Variants in CADM2 observed in about 807,000 individuals in gnomAD.
CADM2 encodes the protein immunoglobulin superfamily member 4D.
A neutral mutation model predicts 49.8 loss-of-function variants in CADM2; 12 were observed. The observed-to-expected ratio is 0.24, with a 90% confidence interval of 0.15 to 0.39. The LOEUF (loss-of-function observed/expected upper bound fraction) is 0.39, where lower values mean the gene tolerates loss of function less well. Ranked by LOEUF, CADM2 falls within the 10% of genes least tolerant of loss-of-function variation. The probability of loss-of-function intolerance (pLI) is 1.00; values close to 1 mark genes in which losing one functional copy is unlikely to be tolerated. For synonymous variants in CADM2, 214 were observed against 175.4 expected (o/e 1.22, Z -1.74); for missense variants, 378 against 492.3 (o/e 0.77, Z 2.20).
chr3:85,715,736 A>C (rs544879964), intron 1 of CADM2, among the ~76,000 whole-genome samples: 1 of 152,086 alleles, frequency 6.6e-6, no homozygotes, highest in Non-Finnish European at 1.5e-5. Context: ...ACTCCCACTT[A>C]TGAGTGAGAA....
intron 1 of CADM2, among the ~76,000 whole-genome samples, chr3:85,714,812 C>T (rs2067233210): frequency 6.6e-6 from 1 of 152,008 alleles, no homozygotes; most frequent in Non-Finnish European, 1.5e-5. Context: ...TGCTATAAAC[C>T]CTTGAGATCT....
chr3:85,699,451 A>G (rs747688978), intron 1 of CADM2, among the ~76,000 whole-genome samples: 1 of 152,186 alleles, frequency 6.6e-6, no homozygotes, highest in African/African-American at 2.4e-5. Context: ...TTAGACATTT[A>G]GGCTTTTCCA....
chr3:85,085,843 T>G (rs1251051873), intron 1 of CADM2, among the ~76,000 whole-genome samples: 2 of 152,126 alleles, frequency 1.3e-5, no homozygotes, highest in African/African-American at 2.4e-5. Context: ...ATGCCTTGCT[T>G]TTTTTTCTCA....
At chr3:85,341,084 C>T (rs2045227933) in intron 1 of CADM2, among the ~76,000 whole-genome samples, 1 of 151,670 alleles carries the variant, frequency 6.6e-6, no homozygotes, top group East Asian at 1.9e-4. Flanking sequence ...AAGCTTTTCT[C>T]TCTTACCCCA....
chr3:84,988,268 T>G (rs2032694695), intron 1 of CADM2, among the ~76,000 whole-genome samples: 1 of 152,238 alleles, frequency 6.6e-6, no homozygotes, highest in African/African-American at 2.4e-5. Context: ...TCTTTGGCAC[T>G]AGCTTCCAAG....
intron 1 of CADM2, among the ~76,000 whole-genome samples, chr3:85,418,071 T>A (rs1453562079): frequency 6.6e-6 from 1 of 152,122 alleles, no homozygotes; most frequent in Non-Finnish European, 1.5e-5. Context: ...GTTTTTTCAG[T>A]AAATATCAAG....
At chr3:85,308,311 A>C (rs946808104) in intron 1 of CADM2, among the ~76,000 whole-genome samples, 37 of 75,018 alleles carry the variant, frequency 4.9e-4, no homozygotes, top group South Asian at 1.1e-3. Flanking sequence ...CTACCTCTCT[A>C]CACACACACA....
At chr3:85,418,970 G>A (rs200222680) in intron 1 of CADM2, among the ~76,000 whole-genome samples, 4 of 150,626 alleles carry the variant, frequency 2.7e-5, no homozygotes, top group Non-Finnish European at 5.9e-5. Flanking sequence ...TTTGAGAGGG[G>A]AAAAAAAAAT....
chr3:85,206,888 A>G (rs1405635519), intron 1 of CADM2, among the ~76,000 whole-genome samples: 1 of 152,106 alleles, frequency 6.6e-6, no homozygotes, highest in East Asian at 1.9e-4. Flanking sequence ...ATTAAACTTC[A>G]TAATTATAAT....
chr3:85,922,163 C>A (rs902308447), intron 6 of CADM2, among the ~76,000 whole-genome samples: 3 of 151,632 alleles, frequency 2.0e-5, no homozygotes, highest in African/African-American at 7.3e-5. Flanking sequence ...TATTCTTTCT[C>A]CTTTCTTCCT....
At chr3:85,154,369 C>A (rs955966479) in intron 1 of CADM2, among the ~76,000 whole-genome samples, 1 of 151,750 alleles carries the variant, frequency 6.6e-6, no homozygotes, top group Non-Finnish European at 1.5e-5. Flanking sequence ...TGAAATGAAG[C>A]GAGAAGGGAA....
At position 85,266,437 on chromosome 3, in the gene CADM2, A is replaced by G. The variant is rs924026085; in HGVS notation, c.61+306769A>G. On this transcript the variant is annotated intron_variant, in intron 1 of 9. Transcript: ENST00000383699. ...AGACTGTGACAGATGTCTGACAGGT[A>G]AAAAGGTTGTTTTTATAATAATTAG... is the stretch of plus-strand genomic sequence containing the variant. 3.3e-5 allele frequency among the ~76,000 whole-genome samples: 5 copies of G among 151,824 alleles called. No individual in the cohort carries two copies. In the Admixed American group the frequency reaches 3.3e-4, roughly 10 times the overall value.
At chr3:85,110,180 C>A (rs183926208) in intron 1 of CADM2, among the ~76,000 whole-genome samples, 26 of 151,788 alleles carry the variant, frequency 1.7e-4, no homozygotes, top group Non-Finnish European at 2.5e-4. Flanking sequence ...AGAAAAATAA[C>A]AATTGAATGG....
intron 6 of CADM2, among the ~76,000 whole-genome samples, chr3:85,917,157 A>G (rs1397307337): frequency 6.6e-6 from 1 of 151,900 alleles, no homozygotes; most frequent in East Asian, 1.9e-4. Flanking sequence ...GCTGTGCAGA[A>G]GCTCTTTAGT....
chr3:85,704,453 G>T (rs767190855), intron 1 of CADM2, among the ~76,000 whole-genome samples: 13 of 152,092 alleles, frequency 8.5e-5, no homozygotes, highest in Non-Finnish European at 1.6e-4. Flanking sequence ...GCCATCATGG[G>T]CTGGTTCTTG....
intron 1 of CADM2, among the ~76,000 whole-genome samples, chr3:85,498,665 A>G (rs923609594): frequency 6.6e-5 from 10 of 152,180 alleles, no homozygotes; most frequent in East Asian, 1.9e-4. Flanking sequence ...TTAGTGTAAG[A>G]AATATGTATT....
intron 1 of CADM2, among the ~76,000 whole-genome samples, chr3:85,374,445 C>T (rs535492878): frequency 2.3e-4 from 35 of 152,276 alleles, no homozygotes; most frequent in Middle Eastern, 3.4e-3. Context: ...TCCAAACTTT[C>T]CCTTGTCTAG....
intron 1 of CADM2, among the ~76,000 whole-genome samples, chr3:84,963,475 C>T (rs557087295): frequency 1.3e-5 from 2 of 152,212 alleles, no homozygotes; most frequent in South Asian, 4.2e-4. Context: ...GCATACAAGA[C>T]CTCATTTTGT....
chr3:85,745,478 T>TA (rs199926188), intron 2 of CADM2, among the ~76,000 whole-genome samples: 136 of 150,144 alleles, frequency 9.1e-4, no homozygotes, highest in African/African-American at 2.4e-3. Flanking sequence ...ATGGAGAAAA[T>TA]AAAAAAAACA....
Sources: gnomAD v4.1 joint callset for allele counts (sites outside exome capture counted in the v4.1 genomes callset) on GRCh38, gnomAD v4.1.1 for gene constraint, MANE v1.5 for transcripts, NCBI Gene and HGNC (gene_info 2026-07-23, HGNC 2026-07-21) for gene names.